RORC: variants seen among roughly 807,000 people sequenced by gnomAD.
The protein encoded by RORC is nuclear receptor ROR-gamma.
A neutral mutation model predicts 64.5 loss-of-function variants in RORC; 13 were observed. The ratio of observed to expected loss-of-function variants is 0.20; its 90% CI spans 0.13 to 0.32. The LOEUF (loss-of-function observed/expected upper bound fraction) is 0.32. Among genes scored for constraint, RORC ranks in the 10% least tolerant of loss-of-function variants. The pLI, the probability that RORC is intolerant of heterozygous loss-of-function variation, is 1.00. For missense variants in RORC, 468 were observed against 669.5 expected, an observed-to-expected ratio of 0.70 and a Z score of 3.32; for synonymous variants, 277 against 259.3, an observed-to-expected ratio of 1.07 and a Z score of -0.65.
chr1:151,823,108 G>A (rs1161933322), intron 2 of RORC, among the ~76,000 whole-genome samples: 1 of 152,224 alleles, frequency 6.6e-6, no homozygotes, highest in Admixed American at 6.5e-5. Context: ...GACGGGGAAA[G>A]AGAAGGGTGC....
At position 151,815,039 on chromosome 1, in the gene RORC, A is replaced by G. The variant is rs990975773; in HGVS notation, c.685T>C (p.Cys229Arg). The G allele has an allele frequency of 1.2e-6, 2 of 1,613,966 alleles. No homozygotes were observed. The highest frequency in any genetic ancestry group is 1.3e-5 in the African/African-American group (1 of 74,870). The stretch of plus-strand genomic sequence containing the variant: ...CTGTGTTCCTCAAAACGAAGTCCAC[A>G]TCGGTCAGGGGTCAGCTGGCTGCCT... ...STGSQLTPDRCGLRFEEHRHP... is the reference protein window; with the variant it reads ...STGSQLTPDRRGLRFEEHRHP... Residue 229 changes from cysteine to arginine, a missense_variant, in exon 5 of 11, where the codon TGT becomes CGT. Cys to Arg is a radical substitution (Grantham distance 180, BLOSUM62 -3). Around this residue, in one of 5 missense-constraint regions of RORC, gnomAD observed 241 missense variants for 295.5 expected, o/e 0.82. Transcript: ENST00000318247.
At chr1:151,831,580 A>C (rs1572050740) in intron 1 of RORC, 145 bp downstream of exon 1, 5 of 1,512,812 alleles carry the variant, frequency 3.3e-6, no homozygotes, top group African/African-American at 2.8e-5. Flanking sequence ...CTCCAGTTTC[A>C]CTCCCTGCCA....
intron 4 of RORC, among the ~76,000 whole-genome samples, 178 bp downstream of exon 4, chr1:151,816,486 G>A (rs1651758781): frequency 6.6e-6 from 1 of 152,216 alleles, no homozygotes. Flanking sequence ...AAAGAACTTT[G>A]ATGGGGGTGA....
At chr1:151,826,081 C>A in intron 2 of RORC, 1 of 1,485,176 alleles carries the variant, frequency 6.7e-7, no homozygotes, top group Admixed American at 2.3e-5. Flanking sequence ...GCTCTCTCCC[C>A]CAGTGCTTCT....
intron 10 of RORC, among the ~76,000 whole-genome samples, chr1:151,810,714 G>C (rs917407793): frequency 1.3e-5 from 2 of 152,024 alleles, no homozygotes; most frequent in African/African-American, 4.8e-5. Flanking sequence ...TTTATTTTTA[G>C]TAGAGATGGG....
intron 6 of RORC, chr1:151,813,868 C>T: frequency 2.0e-6 from 1 of 497,828 alleles, no homozygotes. Context: ...GTATGAGATA[C>T]AGCTTTGCCC....
intron 2 of RORC, among the ~76,000 whole-genome samples, chr1:151,824,864 A>G (rs1271987319): frequency 6.6e-6 from 1 of 152,240 alleles, no homozygotes; most frequent in Non-Finnish European, 1.5e-5. Flanking sequence ...GATAGGCGGC[A>G]CAAGTGCCTG....
At chr1:151,814,518 G>T in intron 6 of RORC, 56 bp downstream of exon 6, 1 of 1,563,852 alleles carries the variant, frequency 6.4e-7, no homozygotes, top group South Asian at 1.2e-5. Flanking sequence ...AGCCATCTCT[G>T]AACTCTCCCG....
Position 151,807,719 on chromosome 1 carries a change from A to AGGGTTTGTC in RORC, c.1396-87_1396-86insGACAAACCC. ...GTCCGCTCATTCTTCCTGGGCTAGG[A>AGGGTTTGTC]CAAACCCTCCTTGCCTTCCCCTTAT... On this transcript the variant is annotated intron_variant, in intron 10 of 10. Transcript: ENST00000318247. This position sits in a 1 kb window ranked among gnomAD's most constrained non-coding sequence, Gnocchi z 5.0. 6.9e-7 allele frequency: 1 copy of AGGGTTTGTC among 1,446,616 alleles called. No homozygotes were observed. Among genetic ancestry groups the AGGGTTTGTC allele is most frequent in the Non-Finnish European group, 9.5e-7 (1 of 1,057,284 alleles). 89.6% of individuals were successfully genotyped at this position (1,446,616 alleles called of 1,614,324 possible).
chr1:151,813,178 C>A, intron 8 of RORC, 61 bp downstream of exon 8: 1 of 1,543,476 alleles, frequency 6.5e-7, no homozygotes, highest in South Asian at 1.1e-5. Context: ...TGCCCTGGGT[C>A]ACAAAGCTTT....
chr1:151,817,810 T>G (rs1572040336), intron 2 of RORC, among the ~76,000 whole-genome samples: 1 of 151,608 alleles, frequency 6.6e-6, no homozygotes, highest in Non-Finnish European at 1.5e-5. Flanking sequence ...CTCAGGGAGG[T>G]GCTATACAGA....
intron 8 of RORC, 34 bp downstream of exon 8, chr1:151,813,205 A>G: frequency 6.3e-7 from 1 of 1,588,510 alleles, no homozygotes; most frequent in Non-Finnish European, 8.6e-7. Flanking sequence ...GGTTGGCATC[A>G]GAATCTTCCC....
intron 10 of RORC, among the ~76,000 whole-genome samples, chr1:151,810,486 T>A (rs1047646929): frequency 2.6e-5 from 4 of 152,080 alleles, no homozygotes; most frequent in African/African-American, 9.7e-5. Context: ...GCACTGGGAT[T>A]CAATCTTGCA....
chr1:151,815,952 C>A (rs979834249), intron 4 of RORC, among the ~76,000 whole-genome samples: 3 of 152,204 alleles, frequency 2.0e-5, no homozygotes, highest in African/African-American at 4.8e-5. Flanking sequence ...CCTTTTTACT[C>A]CCCCCGCCAC....
intron 10 of RORC, among the ~76,000 whole-genome samples, chr1:151,809,730 C>A (rs1651447167): frequency 6.6e-6 from 1 of 152,238 alleles, no homozygotes. Context: ...AGTTCAAGTT[C>A]TTGAGAGCAC....
chr1:151,816,830 G>A (rs1651772234), intron 3 of RORC, 25 bp from the exon 4 acceptor site: 3 of 1,509,242 alleles, frequency 2.0e-6, no homozygotes, highest in East Asian at 4.8e-5. Flanking sequence ...TGGAGGGCAA[G>A]ACTGCTTATC....
chr1:151,810,610 C>A (rs1651486303), intron 10 of RORC, among the ~76,000 whole-genome samples: 1 of 151,454 alleles, frequency 6.6e-6, no homozygotes, highest in Non-Finnish European at 1.5e-5. Context: ...TGGCTCACTG[C>A]AACATCTGCC....
intron 2 of RORC, among the ~76,000 whole-genome samples, chr1:151,819,888 G>C (rs1651918689): frequency 6.6e-6 from 1 of 152,140 alleles, no homozygotes; most frequent in Admixed American, 6.5e-5. Flanking sequence ...CATCCTCCCA[G>C]TCCAAGACAG....
chr1:151,811,539 C>A (rs1416363777), intron 9 of RORC, 105 bp from the exon 10 acceptor site: 2 of 662,010 alleles, frequency 3.0e-6, no homozygotes, highest in African/African-American at 1.8e-5. Context: ...TAGAGGTCTT[C>A]TAAGCTGAGC....
Sources: gnomAD v4.1 joint callset for allele counts (sites outside exome capture counted in the v4.1 genomes callset) on GRCh38, gnomAD v4.1.1 for gene constraint, gnomAD v4.1.1 regional missense constraint, Gnocchi (gnomAD v3.1) non-coding constraint, MANE v1.5 for transcripts, NCBI Gene and HGNC (gene_info 2026-07-23, HGNC 2026-07-21) for gene names.